Variants in SCFD2 observed in about 807,000 individuals in gnomAD.
SCFD2 encodes the protein sec1 family domain-containing protein 2.
SCFD2 carries 54 observed loss-of-function variants against 58.9 expected under a neutral mutation model. The observed-to-expected ratio is 0.92, with a 90% CI of 0.74 to 1.15. SCFD2 has a LOEUF of 1.15. Ranked by LOEUF, SCFD2 falls within the 50% of genes most tolerant of loss-of-function variation. The pLI, the probability that SCFD2 is intolerant of heterozygous loss-of-function variation, is 0.00. For synonymous variants in SCFD2, 321 were observed against 335.9 expected (o/e 0.96, Z 0.49); for missense variants, 805 against 836.6 (o/e 0.96, Z 0.47).
intron 5 of SCFD2, among the ~76,000 whole-genome samples, chr4:53,113,837 C>CATTATTTCTTCTCACTGTTGTAAGAA (rs1725241746): frequency 2.0e-3 from 267 of 130,266 alleles, no homozygotes; most frequent in South Asian, 7.1e-3. Flanking sequence ...AACAATGAGG[C>CATTATTTCTTCTCACTGTTGTAAGAA]ATTATTTCTT....
intron 4 of SCFD2, among the ~76,000 whole-genome samples, chr4:53,255,984 C>T (rs1002673829): frequency 6.7e-6 from 1 of 148,262 alleles, no homozygotes; most frequent in Non-Finnish European, 1.5e-5. Context: ...CCCCCCACCT[C>T]CCTCCCAGAC....
chr4:52,928,796 G>A lies in SCFD2; in HGVS notation c.1562-7926C>T, dbSNP rs191719214. Reference sequence around the variant, plus strand: ...CAGTGGGAGCAGAGACTCTGGACTCGCCTTGCATGCCTAGCACAGTGCTTA... The same window carrying A: ...CAGTGGGAGCAGAGACTCTGGACTCACCTTGCATGCCTAGCACAGTGCTTA... On this transcript the variant is annotated intron_variant, in intron 5 of 8. Coordinates refer to ENST00000401642, the MANE Select transcript of SCFD2 (RefSeq NM_152540.4). Among the ~76,000 whole-genome samples the A allele has an allele frequency of 4.2e-3, 645 of 152,228 alleles. 2 individuals carry two copies. The highest frequency in any genetic ancestry group is 0.015 in the African/African-American group (617 of 41,524).
In SCFD2 at chr4:53,284,036, A is replaced by G. The variant is rs556337989; in HGVS notation, c.1136-10035T>C. Reference sequence around the variant, plus strand: ...CGGGAGGCTGAGGCAGGAGAATGGCATGAACCCGGGAGGTGGAGCTTGCAG... The same window carrying G: ...CGGGAGGCTGAGGCAGGAGAATGGCGTGAACCCGGGAGGTGGAGCTTGCAG... On this transcript the variant is annotated intron_variant, in intron 3 of 8. Transcript: ENST00000401642. Among the ~76,000 whole-genome samples the G allele has an allele frequency of 8.0e-5, 12 of 150,194 alleles. No individual in the cohort carries two copies. In the East Asian group the frequency reaches 1.8e-3, roughly 23 times the overall value.
intron 6 of SCFD2, 129 bp from the exon 7 acceptor site, chr4:52,907,720 G>C: frequency 1.5e-6 from 1 of 679,930 alleles, no homozygotes; most frequent in Non-Finnish European, 2.5e-6. Context: ...GTGTGTGTGT[G>C]TGTGTGTGTG....
chr4:53,049,632 T>C (rs1012776094), intron 5 of SCFD2, among the ~76,000 whole-genome samples: 4 of 152,026 alleles, frequency 2.6e-5, no homozygotes, highest in African/African-American at 9.7e-5. Flanking sequence ...GACAGAATAA[T>C]GTTAAAGAGT....
chr4:53,341,887 C>T (rs1423954117), intron 2 of SCFD2, among the ~76,000 whole-genome samples: 1 of 152,118 alleles, frequency 6.6e-6, no homozygotes, highest in Non-Finnish European at 1.5e-5. Flanking sequence ...AAATAAAATC[C>T]TTTGCACACA....
Position 52,920,717 on chromosome 4 carries a change from A to G in SCFD2, c.1707+8T>C. Reference sequence around the variant, plus strand: ...ATTAGAAGGTTACTTTAAAACGTATATACTTGCCTGGTGGGTATGATTTCC... The same window carrying G: ...ATTAGAAGGTTACTTTAAAACGTATGTACTTGCCTGGTGGGTATGATTTCC... On this transcript the variant is annotated splice_region_variant and intron_variant, in intron 6 of 8. Transcript: ENST00000401642. 1 of 1,581,256 alleles carries G rather than the reference A, an allele frequency of 6.3e-7. No individual in the cohort carries two copies. Among genetic ancestry groups the G allele is most frequent in the Non-Finnish European group, 8.6e-7 (1 of 1,161,588 alleles).
At chr4:52,936,500 CCTTT>C (rs1293114685) in intron 5 of SCFD2, among the ~76,000 whole-genome samples, 10 of 152,166 alleles carry the variant, frequency 6.6e-5, no homozygotes, top group African/African-American at 1.7e-4. Flanking sequence ...TGATTTATAG[CCTTT>C]CTAAGTCAAT....
chr4:53,006,435 A>C (rs758690254), intron 5 of SCFD2, among the ~76,000 whole-genome samples: 3 of 152,230 alleles, frequency 2.0e-5, no homozygotes, highest in Non-Finnish European at 2.9e-5. Context: ...CAATATTGCC[A>C]ATAGCAGCTA....
intron 5 of SCFD2, among the ~76,000 whole-genome samples, chr4:53,078,925 AGAGTG>A (rs879588674): frequency 2.6e-5 from 4 of 152,222 alleles, no homozygotes; most frequent in Non-Finnish European, 4.4e-5. Context: ...CCCTAAACAC[AGAGTG>A]ATCCTGGTAA....
chr4:53,098,145 G>A (rs1419784095), intron 5 of SCFD2, among the ~76,000 whole-genome samples: 3 of 152,090 alleles, frequency 2.0e-5, no homozygotes, highest in Non-Finnish European at 4.4e-5. Flanking sequence ...TTTTTGCATC[G>A]ATGTTCATCA....
chr4:53,033,770 A>C (rs1228799105), intron 5 of SCFD2, among the ~76,000 whole-genome samples: 1 of 152,236 alleles, frequency 6.6e-6, no homozygotes, highest in Non-Finnish European at 1.5e-5. Flanking sequence ...TAAACCAGGA[A>C]GAAATCGAAT....
intron 4 of SCFD2, among the ~76,000 whole-genome samples, chr4:53,258,833 C>T (rs188664857): frequency 6.6e-6 from 1 of 152,100 alleles, no homozygotes; most frequent in East Asian, 1.9e-4. Context: ...TACTAATTTA[C>T]ATTCTCAACA....
intron 5 of SCFD2, among the ~76,000 whole-genome samples, chr4:52,993,508 C>T (rs1464165189): frequency 6.6e-6 from 1 of 152,322 alleles, no homozygotes; most frequent in East Asian, 1.9e-4. Flanking sequence ...GGATGCATAT[C>T]TAGAAGCAGC....
rs141949965 is a variant in SCFD2 at position 52,997,012 on chromosome 4, G to A, written c.1562-76142C>T. On this transcript the variant is annotated intron_variant, in intron 5 of 8. Transcript: ENST00000401642. ...AAAATAGAATACTCAGAACAGCAGTGCCATCAGGCACATTCCAAACGTTTA... is the reference window on the plus strand; with the variant it reads ...AAAATAGAATACTCAGAACAGCAGTACCATCAGGCACATTCCAAACGTTTA... Among the ~76,000 whole-genome samples the A allele has an allele frequency of 1.5e-3, 221 of 152,338 alleles. 1 individual carries two copies. Among genetic ancestry groups the A allele is most frequent in the Non-Finnish European group, 2.4e-3 (166 of 68,032 alleles).
chr4:53,123,648 C>G (rs779064464), intron 5 of SCFD2, among the ~76,000 whole-genome samples: 1 of 152,174 alleles, frequency 6.6e-6, no homozygotes, highest in Non-Finnish European at 1.5e-5. Context: ...TGATCCCCTC[C>G]AAGTACACAA....
intron 5 of SCFD2, among the ~76,000 whole-genome samples, chr4:53,113,241 G>A (rs191827633): frequency 5.3e-5 from 8 of 152,008 alleles, no homozygotes; most frequent in Non-Finnish European, 8.8e-5. Context: ...TTTCAGACAC[G>A]GTAGGACTGC....
chr4:53,084,793 G>C (rs755330876), intron 5 of SCFD2, among the ~76,000 whole-genome samples: 1 of 152,062 alleles, frequency 6.6e-6, no homozygotes, highest in Non-Finnish European at 1.5e-5. Flanking sequence ...AAAAAAATAT[G>C]ATCATTTCAA....
At chr4:52,948,061 G>A (rs1354096166) in intron 5 of SCFD2, among the ~76,000 whole-genome samples, 2 of 151,200 alleles carry the variant, frequency 1.3e-5, no homozygotes, top group East Asian at 3.9e-4. Context: ...CACAGGATCA[G>A]GGAAGAGAGA....
Sources: gnomAD v4.1 joint callset for allele counts (sites outside exome capture counted in the v4.1 genomes callset) on GRCh38, gnomAD v4.1.1 for gene constraint, MANE v1.5 for transcripts, NCBI Gene and HGNC (gene_info 2026-07-23, HGNC 2026-07-21) for gene names.